The following XPO1 variants were observed in gnomAD, a reference collection of about 807,000 sequenced individuals.
XPO1 encodes the protein exportin 1, also known as exportin-1.
A neutral mutation model predicts 133.3 loss-of-function variants in XPO1; 5 were observed. The observed-to-expected ratio is 0.04, with a 90% CI of 0.02 to 0.08. XPO1 has a LOEUF of 0.08. XPO1 is among the 10% of genes least tolerant of loss of function. The pLI is 1.00. For missense variants in XPO1, 506 were observed against 1,267.5 expected, an observed-to-expected ratio of 0.40 and a Z score of 9.12; for synonymous variants, 419 against 408.2, an observed-to-expected ratio of 1.03 and a Z score of -0.32.
chr2:61,481,888 A>C (rs1696378206), intron 23 of XPO1, among the ~76,000 whole-genome samples: 3 of 151,706 alleles, frequency 2.0e-5, no homozygotes, highest in Non-Finnish European at 4.4e-5. Context: ...GGCACCCACC[A>C]CCATGCCCAA....
chr2:61,489,762 G>A (rs1284183980), intron 17 of XPO1, among the ~76,000 whole-genome samples: 2 of 151,892 alleles, frequency 1.3e-5, no homozygotes, highest in South Asian at 4.2e-4. Context: ...CACTGCGTTA[G>A]CCATGATGGT....
rs1416607118 is a variant in XPO1 at position 61,494,023 on chromosome 2, G to A, written c.1116C>T (p.Tyr372=). 2.5e-6 allele frequency: 4 copies of A among 1,613,878 alleles called. No individual in the cohort carries two copies. In the South Asian group the frequency reaches 3.3e-5, roughly 13 times the overall value. The part of the protein sequence containing the change: ...ETEIFKICLE[Y]WNHLAAELYR... ...AGAGTTCAGCAGCCAAATGATTCCA[G>A]TATTCAAGACAAATTTTAAAGATTT... The change falls in exon 12 of 25, where the codon TAC becomes TAT. Residue 372 remains tyrosine, a synonymous_variant. Transcript: ENST00000401558.
chr2:61,494,230 G>C, intron 11 of XPO1, 139 bp from the exon 12 acceptor site: 2 of 760,202 alleles, frequency 2.6e-6, no homozygotes, highest in Non-Finnish European at 4.1e-6. Flanking sequence ...TTATCAAATA[G>C]ACAGCAAACT....
intron 9 of XPO1, 139 bp from the exon 10 acceptor site, chr2:61,497,146 AT>A: frequency 1.8e-6 from 2 of 1,122,786 alleles, no homozygotes; most frequent in Non-Finnish European, 2.4e-6. Flanking sequence ...GAATGAACAT[AT>A]TTTATCATGC....
At position 61,485,751 on chromosome 2, in the gene XPO1, A is replaced by T. The variant is rs773161633; in HGVS notation, c.2508+17T>A. 6.3e-7 allele frequency: 1 copy of T among 1,584,558 alleles called. No homozygotes were observed. Among genetic ancestry groups the T allele is most frequent in the South Asian group, 1.1e-5 (1 of 87,838 alleles). On this transcript the variant is annotated intron_variant, in intron 20 of 24. Coordinates refer to ENST00000401558, the MANE Select transcript of XPO1 (RefSeq NM_003400.4). ...TCCTGCAGAATTTCCCCCTTACATA[A>T]CTGAAATATTACACACCTTATTTAT... is the stretch of plus-strand genomic sequence containing the variant.
At position 61,498,649 on chromosome 2, in the gene XPO1, A is replaced by G. The variant is rs1278326830; in HGVS notation, c.759+24T>C. 4.3e-6 allele frequency: 7 copies of G among 1,610,492 alleles called. No individual in the cohort carries two copies. The East Asian group carries it at 1.6e-4, about 36-fold the overall frequency. ...AATATATGTGGCTATCCGGTGACAA[A>G]TAACTGAAATGTATTCACTGTACCT... On this transcript the variant is annotated intron_variant, in intron 9 of 24. Coordinates refer to ENST00000401558, the MANE Select transcript of XPO1 (RefSeq NM_003400.4).
intron 17 of XPO1, among the ~76,000 whole-genome samples, chr2:61,490,268 G>A (rs1028781045): frequency 4.7e-5 from 7 of 148,636 alleles, no homozygotes; most frequent in South Asian, 2.1e-4. Context: ...GCTCAATCTC[G>A]GCTCACTGCA....
chr2:61,538,010 C>T lies in XPO1; in HGVS notation c.-455G>A, dbSNP rs1699430792. 6.4e-6 allele frequency: 1 copy of T among 155,702 alleles called. No individual in the cohort carries two copies. The highest frequency in any genetic ancestry group is 1.4e-5 in the Non-Finnish European group (1 of 71,310). 9.6% of individuals were successfully genotyped at this position (155,702 alleles called of 1,614,324 possible). ...AGTCCGACTCCCCCCTACCAAAACA[C>T]GGCTCCCTCTCTCACGCGGCTCCGG... On this transcript the variant is annotated 5_prime_UTR_variant, in exon 1 of 25. It adds an upstream start codon to the 5' untranslated region. Transcript: ENST00000401558.
intron 4 of XPO1, among the ~76,000 whole-genome samples, chr2:61,518,033 CA>C (rs1183270330): frequency 2.0e-5 from 3 of 151,574 alleles, no homozygotes; most frequent in African/African-American, 7.3e-5. Context: ...GGGAGACTGA[CA>C]CATGAGAATC....
intron 10 of XPO1, 89 bp downstream of exon 10, chr2:61,496,789 AT>A (rs1697262451): frequency 1.6e-6 from 2 of 1,286,718 alleles, no homozygotes; most frequent in Non-Finnish European, 2.0e-6. Flanking sequence ...CTTATCTTTG[AT>A]ACGTCGTTCT....
At chr2:61,483,305 G>C (rs961568626) in intron 21 of XPO1, 11 of 488,524 alleles carry the variant, frequency 2.3e-5, no homozygotes, top group Non-Finnish European at 3.2e-5. Flanking sequence ...AGTTGTGTGA[G>C]AGCTAAACTG....
At chr2:61,507,593 G>C (rs1034068726) in intron 4 of XPO1, among the ~76,000 whole-genome samples, 1 of 151,674 alleles carries the variant, frequency 6.6e-6, no homozygotes, top group Non-Finnish European at 1.5e-5. Context: ...AATCAAACAA[G>C]GCAGCCGGGC....
In XPO1 at chr2:61,478,844, C is replaced by A. The variant is rs1696186349; in HGVS notation, c.3192G>T (p.Glu1064Asp). The change falls in exon 25 of 25, where the codon GAG becomes GAT. Residue 1064 changes from glutamate (E) to aspartate (D), a missense_variant. Transcript: ENST00000401558. Reference sequence around the variant, plus strand: ...TTTAATCACACATTTCTTCTGGAATCTCATGTGGATTAAAGATGCCAGGGA... The same window carrying A: ...TTTAATCACACATTTCTTCTGGAATATCATGTGGATTAAAGATGCCAGGGA... The part of the protein sequence containing the change: ...MSVPGIFNPH[E>D]IPEEMCD 2 of 1,613,732 alleles carry A rather than the reference C, an allele frequency of 1.2e-6. No individual in the cohort carries two copies. Among genetic ancestry groups the A allele is most frequent in the African/African-American group, 2.7e-5 (2 of 74,912 alleles).
chr2:61,486,105 A>G, intron 19 of XPO1, 143 bp from the exon 20 acceptor site: 1 of 772,332 alleles, frequency 1.3e-6, no homozygotes, highest in Non-Finnish European at 2.0e-6. Context: ...AGGGTTTCCT[A>G]CGTCAAAACA....
chr2:61,522,426 T>C (rs1194932481), intron 4 of XPO1, among the ~76,000 whole-genome samples, 185 bp downstream of exon 4: 3 of 152,162 alleles, frequency 2.0e-5, no homozygotes, highest in South Asian at 2.1e-4. Flanking sequence ...TCCCAAAAGA[T>C]AACCTGTAAG....
intron 4 of XPO1, among the ~76,000 whole-genome samples, chr2:61,513,363 CTTTTTTTTTTTT>C (rs55865110): frequency 7.9e-6 from 1 of 126,160 alleles, no homozygotes; most frequent in Admixed American, 8.0e-5. Flanking sequence ...TACAGAATAT[CTTTTTTTTTTTT>C]TTTTTTTTGA....
chr2:61,505,140 A>G (rs1358105788), intron 4 of XPO1, among the ~76,000 whole-genome samples: 2 of 152,044 alleles, frequency 1.3e-5, no homozygotes, highest in Admixed American at 6.6e-5. Flanking sequence ...CTAGCTGACT[A>G]GCTGGGACCA....
intron 20 of XPO1, 102 bp downstream of exon 20, chr2:61,485,666 C>A: frequency 1.0e-6 from 1 of 997,710 alleles, no homozygotes; most frequent in South Asian, 1.9e-5. Context: ...ATTTAAACTC[C>A]ATGGCATTAA....
rs543492338 is a variant in XPO1, at chr2:61,502,502, C to A, written c.302-192G>T. 3.9e-5 allele frequency: 20 copies of A among 518,282 alleles called. No individual in the cohort carries two copies. The East Asian group carries it at 6.7e-4, about 17-fold the overall frequency. The allele number at this position is 518,282 out of a possible 1,614,324, so 32.1% of individuals were successfully genotyped here. ...CGGTGGCTCACGCTTGTAATCCCAGCAATTCTTTGGGAGGCTGAGGTGGGT... is the reference window on the plus strand; with the variant it reads ...CGGTGGCTCACGCTTGTAATCCCAGAAATTCTTTGGGAGGCTGAGGTGGGT... On this transcript the variant is annotated intron_variant, in intron 4 of 24. Transcript: ENST00000401558.
Sources: allele counts gnomAD v4.1 joint callset (sites outside exome capture counted in the v4.1 genomes callset), GRCh38; gene constraint gnomAD v4.1.1; transcripts MANE v1.5; gene names NCBI Gene and HGNC (gene_info 2026-07-23, HGNC 2026-07-21).